The following LRP1B variants were observed in gnomAD, a reference collection of about 807,000 sequenced individuals.
LRP1B encodes the protein LDL receptor related protein 1B.
Under a neutral mutation model 556.6 loss-of-function variants are expected in LRP1B, and 217 were observed. The observed-to-expected ratio is 0.39, with a 90% CI of 0.35 to 0.44. The LOEUF is 0.44. Among genes scored for constraint, LRP1B ranks in the 20% least tolerant of loss-of-function variants. LRP1B has a pLI of 1.00. For missense variants in LRP1B, 5,053 were observed against 5,620.8 expected (o/e 0.90, Z 3.23); for synonymous variants, 2,047 against 1,865.8 (o/e 1.10, Z -2.50).
chr2:140,316,817 A>T (rs1407832864), intron 82 of LRP1B, among the ~76,000 whole-genome samples: 2 of 152,202 alleles, frequency 1.3e-5, no homozygotes, highest in Non-Finnish European at 2.9e-5. Flanking sequence ...ACACACATAT[A>T]CACAAATGAA....
At chr2:140,794,726 G>T (rs1690244282) in intron 32 of LRP1B, among the ~76,000 whole-genome samples, 1 of 151,654 alleles carries the variant, frequency 6.6e-6, no homozygotes, top group African/African-American at 2.4e-5. Flanking sequence ...CGCTTCTCCT[G>T]CCTCAGCCTC....
chr2:140,703,012 A>G (rs1409279616), intron 37 of LRP1B, among the ~76,000 whole-genome samples: 1 of 152,176 alleles, frequency 6.6e-6, no homozygotes, highest in Non-Finnish European at 1.5e-5. Context: ...CTGTAAGCTC[A>G]ACAAGGACAG....
intron 68 of LRP1B, among the ~76,000 whole-genome samples, chr2:140,373,409 T>C (rs1683079733): frequency 6.6e-6 from 1 of 152,146 alleles, no homozygotes; most frequent in African/African-American, 2.4e-5. Context: ...GCTAATATTT[T>C]AAGCCCATGA....
At chr2:141,993,429 A>ACTTT (rs1553499480) in intron 1 of LRP1B, among the ~76,000 whole-genome samples, 54 of 151,528 alleles carry the variant, frequency 3.6e-4, no homozygotes, top group Middle Eastern at 3.4e-3. Flanking sequence ...GGAGCAGGAA[A>ACTTT]TTTTTCCCCT....
chr2:141,944,281 A>G (rs185662286), intron 1 of LRP1B, among the ~76,000 whole-genome samples: 24 of 152,312 alleles, frequency 1.6e-4, no homozygotes, highest in Non-Finnish European at 2.8e-4. Flanking sequence ...GTTATTCAAT[A>G]CTGGACAGGA....
intron 20 of LRP1B, among the ~76,000 whole-genome samples, chr2:140,926,986 C>T (rs1000768176): frequency 1.3e-5 from 2 of 152,074 alleles, no homozygotes; most frequent in African/African-American, 4.8e-5. Flanking sequence ...GAAAAAGGAA[C>T]AACCATCAGC....
chr2:141,653,409 C>T (rs563567771), intron 2 of LRP1B, among the ~76,000 whole-genome samples: 25 of 152,206 alleles, frequency 1.6e-4, no homozygotes, highest in African/African-American at 3.4e-4. Flanking sequence ...TGCATCAGTA[C>T]GTGTCATAGA....
At chr2:140,615,768 C>CCTTATACTAGGTTCTTCT (rs58884582) in intron 41 of LRP1B, among the ~76,000 whole-genome samples, 1 of 152,002 alleles carries the variant, frequency 6.6e-6, no homozygotes, top group Non-Finnish European at 1.5e-5. Context: ...AACATGCCTT[C>CCTTATACTAGGTTCTTCT]CTCACCTCTT....
chr2:140,267,395 C>T (rs1682255706), intron 86 of LRP1B, among the ~76,000 whole-genome samples: 1 of 151,808 alleles, frequency 6.6e-6, no homozygotes, highest in African/African-American at 2.4e-5. Flanking sequence ...TGCTCAAGTC[C>T]CAGATAAAAA....
intron 2 of LRP1B, among the ~76,000 whole-genome samples, chr2:141,760,357 T>C (rs889533989): frequency 5.9e-5 from 9 of 152,186 alleles, no homozygotes; most frequent in Non-Finnish European, 1.0e-4. Context: ...ATTCATCTTA[T>C]GTTTGTGTGA....
chr2:141,222,846 T>C (rs1000809978), intron 6 of LRP1B, among the ~76,000 whole-genome samples: 9 of 152,192 alleles, frequency 5.9e-5, no homozygotes, highest in African/African-American at 2.2e-4. Context: ...CATTCCTTCA[T>C]GTTACAAACT....
chr2:140,564,073 T>C (rs1444006099), intron 43 of LRP1B, among the ~76,000 whole-genome samples: 1 of 152,196 alleles, frequency 6.6e-6, no homozygotes, highest in South Asian at 2.1e-4. Flanking sequence ...TAGTGCATTT[T>C]GCATTCATTG....
intron 1 of LRP1B, among the ~76,000 whole-genome samples, chr2:141,890,887 A>G (rs1468974666): frequency 1.3e-5 from 2 of 152,122 alleles, no homozygotes; most frequent in Non-Finnish European, 2.9e-5. Flanking sequence ...TTGTTTATGC[A>G]TTATTACAAA....
chr2:141,308,911 A>C (rs1686702760), intron 3 of LRP1B, among the ~76,000 whole-genome samples: 1 of 152,170 alleles, frequency 6.6e-6, no homozygotes, highest in African/African-American at 2.4e-5. Context: ...AAACTTTCAC[A>C]TCTCATATAA....
intron 3 of LRP1B, among the ~76,000 whole-genome samples, chr2:141,318,038 CA>C (rs1408519275): frequency 6.6e-6 from 1 of 151,854 alleles, no homozygotes; most frequent in African/African-American, 2.4e-5. Context: ...AACAAAACAA[CA>C]AAAAAACAAA....
intron 41 of LRP1B, among the ~76,000 whole-genome samples, chr2:140,646,141 T>A (rs1042634270): frequency 3.9e-5 from 6 of 152,176 alleles, no homozygotes; most frequent in African/African-American, 7.2e-5. Flanking sequence ...AATCAACTCC[T>A]CCTTTATGTC....
At chr2:141,390,246 G>A (rs1312100545) in intron 3 of LRP1B, among the ~76,000 whole-genome samples, 1 of 151,882 alleles carries the variant, frequency 6.6e-6, no homozygotes, top group East Asian at 1.9e-4. Flanking sequence ...CAATAAGGTG[G>A]AAAGCCACTC....
At chr2:141,515,284 A>G (rs1203716202) in intron 2 of LRP1B, among the ~76,000 whole-genome samples, 1 of 151,500 alleles carries the variant, frequency 6.6e-6, no homozygotes, top group Non-Finnish European at 1.5e-5. Context: ...CCTGGGCAAC[A>G]AGAGTGGAAC....
chr2:141,075,009 T>C (rs1341803513), intron 7 of LRP1B, among the ~76,000 whole-genome samples: 1 of 152,148 alleles, frequency 6.6e-6, no homozygotes, highest in Non-Finnish European at 1.5e-5. Context: ...ATTTTACCTA[T>C]GATATCAGAC....
Sources: gnomAD v4.1 joint callset for allele counts (sites outside exome capture counted in the v4.1 genomes callset) on GRCh38, gnomAD v4.1.1 for gene constraint, MANE v1.5 for transcripts, NCBI Gene and HGNC (gene_info 2026-07-23, HGNC 2026-07-21) for gene names.